C10orf90: variants seen among roughly 807,000 people sequenced by gnomAD.
The protein encoded by C10orf90 is chromosome 10 open reading frame 90, also known as (E2-independent) E3 ubiquitin-conjugating enzyme FATS.
Under a neutral mutation model 62.5 loss-of-function variants are expected in C10orf90, and 56 were observed. That is an observed-to-expected ratio of 0.90 (90% confidence interval 0.72 to 1.12). C10orf90 has a LOEUF of 1.12. Ranked by LOEUF, C10orf90 falls within the 50% of genes most tolerant of loss-of-function variation. The pLI, the probability that C10orf90 is intolerant of heterozygous loss-of-function variation, is 0.00. For missense variants in C10orf90, 970 were observed against 880.4 expected, an observed-to-expected ratio of 1.10 and a Z score of -1.29; for synonymous variants, 386 against 340.4, an observed-to-expected ratio of 1.13 and a Z score of -1.47.
intron 2 of C10orf90, among the ~76,000 whole-genome samples, chr10:126,518,140 C>T (rs187668906): frequency 2.0e-4 from 31 of 152,198 alleles, no homozygotes; most frequent in African/African-American, 6.0e-4. Context: ...AAACCTGACC[C>T]GAGACAGGGT....
At chr10:126,477,728 A>T (rs577858302) in intron 4 of C10orf90, among the ~76,000 whole-genome samples, 5 of 152,246 alleles carry the variant, frequency 3.3e-5, no homozygotes, top group African/African-American at 1.2e-4. Flanking sequence ...TGGTAGATTT[A>T]AAAAGTTCCT....
chr10:126,608,405 C>A (rs904005616), intron 2 of C10orf90, among the ~76,000 whole-genome samples: 2 of 152,164 alleles, frequency 1.3e-5, no homozygotes, highest in African/African-American at 4.8e-5. Flanking sequence ...AGCCACCATG[C>A]CTAGCCTGAA....
At chr10:126,625,874 G>C (rs1286722634) in intron 2 of C10orf90, among the ~76,000 whole-genome samples, 1 of 152,066 alleles carries the variant, frequency 6.6e-6, no homozygotes, top group Non-Finnish European at 1.5e-5. Context: ...TAGCACTTTG[G>C]GAAGCCGAGG....
At chr10:126,642,333 C>A (rs144257914) in intron 2 of C10orf90, among the ~76,000 whole-genome samples, 44 of 152,186 alleles carry the variant, frequency 2.9e-4, no homozygotes, top group Admixed American at 7.2e-4. Flanking sequence ...GAGATCGAGA[C>A]CATCCTGGCT....
chr10:126,506,626 T>C (rs1356521760), intron 3 of C10orf90, among the ~76,000 whole-genome samples: 1 of 152,208 alleles, frequency 6.6e-6, no homozygotes. Flanking sequence ...CACCCAGGCA[T>C]CTGCATTTCA....
chr10:126,649,012 A>ATCTCTC (rs1297405536), intron 1 of C10orf90, among the ~76,000 whole-genome samples: 7 of 127,506 alleles, frequency 5.5e-5, no homozygotes, highest in Non-Finnish European at 9.8e-5. Flanking sequence ...CACAGATGAT[A>ATCTCTC]TCTCTCTCTC....
intron 2 of C10orf90, among the ~76,000 whole-genome samples, chr10:126,555,680 G>GTAAATGAATAAA (rs1554915058): frequency 2.2e-5 from 3 of 136,444 alleles, no homozygotes; most frequent in Non-Finnish European, 4.7e-5. Flanking sequence ...CTCTATCTCA[G>GTAAATGAATAAA]TAAATAAATA....
intron 4 of C10orf90, among the ~76,000 whole-genome samples, chr10:126,485,711 T>C (rs1861392393): frequency 6.6e-6 from 1 of 151,078 alleles, no homozygotes; most frequent in Non-Finnish European, 1.5e-5. Context: ...GAGGCCGAGG[T>C]GGGCGGATCA....
intron 2 of C10orf90, among the ~76,000 whole-genome samples, chr10:126,557,230 C>T (rs750113299): frequency 7.2e-5 from 11 of 151,980 alleles, no homozygotes; most frequent in African/African-American, 2.4e-4. Context: ...ACCTGTAAGC[C>T]CAGCACTTTG....
chr10:126,661,783 CA>C (rs1303634324), intron 1 of C10orf90, among the ~76,000 whole-genome samples: 1 of 151,850 alleles, frequency 6.6e-6, no homozygotes, highest in Non-Finnish European at 1.5e-5. Context: ...TAGATAGTGT[CA>C]TTTTTTTCTT....
chr10:126,584,907 C>CTT (rs1844829304), intron 2 of C10orf90, among the ~76,000 whole-genome samples: 1 of 152,062 alleles, frequency 6.6e-6, no homozygotes, highest in African/African-American at 2.4e-5. Context: ...TTCCCTCTCT[C>CTT]ATCCCTAAAA....
intron 2 of C10orf90, among the ~76,000 whole-genome samples, chr10:126,634,628 G>A (rs1845913737): frequency 6.6e-6 from 1 of 152,150 alleles, no homozygotes; most frequent in Non-Finnish European, 1.5e-5. Context: ...CTCATGTTAA[G>A]TATCCTTAGA....
chr10:126,457,591 A>G (rs1174474661), intron 7 of C10orf90, among the ~76,000 whole-genome samples: 1 of 152,222 alleles, frequency 6.6e-6, no homozygotes, highest in Non-Finnish European at 1.5e-5. Flanking sequence ...CTTGAGCTCT[A>G]AAGTGGCATC....
chr10:126,616,524 G>A (rs7094400), intron 2 of C10orf90, among the ~76,000 whole-genome samples: 2 of 152,118 alleles, frequency 1.3e-5, no homozygotes, highest in Admixed American at 6.5e-5. Flanking sequence ...AGCTGGGCCT[G>A]GGGAAGATTT....
chr10:126,504,487 G>T lies in C10orf90; in HGVS notation c.1004C>A (p.Thr335Asn), dbSNP rs1300202511. The T allele has an allele frequency of 2.5e-6, 4 of 1,614,110 alleles. No individual in the cohort carries two copies. The African/African-American group carries it at 5.3e-5, about 22-fold the overall frequency. Residue 335 changes from threonine (T) to asparagine (N), a missense_variant, in exon 4 of 10, where the codon ACC (threonine) becomes AAC (asparagine). By Grantham distance (65) the Thr-to-Asn change is moderately conservative. Transcript: ENST00000488181. This position sits in a 1 kb window ranked among gnomAD's most constrained non-coding sequence, Gnocchi z 4.1. ...CAGCGGGCTCTTTCCTGACAGTGGG[G>T]TGTCTGGAGAAAAACTGGTCTCTTT... is the stretch of plus-strand genomic sequence containing the variant. ...DDKETSFSPD[T>N]PLSGKSPLVF... is the part of the protein sequence containing the mutation.
chr10:126,631,849 A>C (rs1003044130), intron 2 of C10orf90, among the ~76,000 whole-genome samples: 1 of 151,684 alleles, frequency 6.6e-6, no homozygotes, highest in Non-Finnish European at 1.5e-5. Context: ...AAGAACCACA[A>C]CGTGGACCTT....
At chr10:126,594,762 C>A (rs868835161) in intron 2 of C10orf90, among the ~76,000 whole-genome samples, 26 of 150,710 alleles carry the variant, frequency 1.7e-4, no homozygotes, top group Middle Eastern at 3.4e-3. Context: ...TCAGCCAGGG[C>A]AGAGGTCCTG....
chr10:126,627,006 T>TTTC (rs1221365627), intron 2 of C10orf90, among the ~76,000 whole-genome samples: 68 of 147,800 alleles, frequency 4.6e-4, no homozygotes, highest in African/African-American at 1.6e-3. Context: ...TTTTCTTTTT[T>TTTC]TTTTTTTTTT....
rs1859332189 is a variant in C10orf90 at position 126,453,461 on chromosome 10, G to T, written c.2188+5579C>A. 2.0e-5 allele frequency among the ~76,000 whole-genome samples: 3 copies of T among 151,500 alleles called. No homozygotes were observed. The highest frequency in any genetic ancestry group is 7.3e-5 in the African/African-American group (3 of 41,338). ...GAGAGGGAGTGAAGGGGAGAAAGAA[G>T]GATGGGAATCAGGACGGCTTTGTAG... On this transcript the variant is annotated intron_variant, in intron 7 of 9. Transcript: ENST00000488181. This position sits in a 1 kb window ranked among gnomAD's most constrained non-coding sequence, Gnocchi z 4.9.
Sources: gnomAD v4.1 joint callset for allele counts (sites outside exome capture counted in the v4.1 genomes callset) on GRCh38, gnomAD v4.1.1 for gene constraint, Gnocchi (gnomAD v3.1) non-coding constraint, MANE v1.5 for transcripts, NCBI Gene and HGNC (gene_info 2026-07-23, HGNC 2026-07-21) for gene names.